Variants in ARHGAP10 observed in about 807,000 individuals in gnomAD.
ARHGAP10 encodes the protein Rho GTPase activating protein 10.
A neutral mutation model predicts 108.6 loss-of-function variants in ARHGAP10; 87 were observed. The ratio of observed to expected loss-of-function variants is 0.80; its 90% CI spans 0.67 to 0.96. The LOEUF is 0.96. ARHGAP10 is among the 40% of genes least tolerant of loss of function. ARHGAP10 has a pLI of 0.00. For synonymous variants in ARHGAP10, 347 were observed against 341.1 expected (o/e 1.02, Z -0.19); for missense variants, 939 against 954.5 (o/e 0.98, Z 0.21).
chr4:148,069,197 C>T (rs1231293815), intron 22 of ARHGAP10, among the ~76,000 whole-genome samples: 1 of 152,158 alleles, frequency 6.6e-6, no homozygotes, highest in African/African-American at 2.4e-5. Context: ...AGCCTGCCAG[C>T]CTTATCTGCA....
chr4:148,024,168 T>C (rs1204865045), intron 19 of ARHGAP10, among the ~76,000 whole-genome samples: 1 of 152,240 alleles, frequency 6.6e-6, no homozygotes, highest in African/African-American at 2.4e-5. Flanking sequence ...GAGAATAAGA[T>C]GATTCTGGTA....
chr4:147,793,905 G>T (rs1731218132), intron 1 of ARHGAP10, among the ~76,000 whole-genome samples: 2 of 152,204 alleles, frequency 1.3e-5, no homozygotes, highest in African/African-American at 4.8e-5. Context: ...TGCAAAGTAG[G>T]TTCAGCACCT....
At chr4:148,064,799 G>C (rs1029928538) in intron 22 of ARHGAP10, among the ~76,000 whole-genome samples, 11 of 152,110 alleles carry the variant, frequency 7.2e-5, no homozygotes, top group Non-Finnish European at 1.6e-4. Flanking sequence ...AGTGTCACTT[G>C]GACTTAAGAA....
intron 18 of ARHGAP10, among the ~76,000 whole-genome samples, chr4:147,971,164 A>G (rs1163818490): frequency 1.3e-5 from 2 of 151,630 alleles, no homozygotes; most frequent in African/African-American, 4.8e-5. Context: ...TTTGTTAACG[A>G]GAAAATTTTA....
chr4:147,831,027 T>G (rs576036618), intron 3 of ARHGAP10, among the ~76,000 whole-genome samples: 1 of 152,328 alleles, frequency 6.6e-6, no homozygotes, highest in Admixed American at 6.5e-5. Flanking sequence ...GTGCAAGAAA[T>G]GCACATTCTC....
chr4:147,838,482 A>AAACAC (rs1553955415), intron 3 of ARHGAP10, among the ~76,000 whole-genome samples: 1 of 149,186 alleles, frequency 6.7e-6, no homozygotes, highest in African/African-American at 2.5e-5. Flanking sequence ...TTAAAAAAAA[A>AAACAC]ACACACACAC....
chr4:147,825,835 A>G (rs974935332), intron 3 of ARHGAP10, among the ~76,000 whole-genome samples: 4 of 152,222 alleles, frequency 2.6e-5, no homozygotes, highest in African/African-American at 4.8e-5. Context: ...CATTGAGCGC[A>G]TACCTATTGA....
At chr4:147,737,383 G>A (rs908057682) in intron 1 of ARHGAP10, among the ~76,000 whole-genome samples, 2 of 137,352 alleles carry the variant, frequency 1.5e-5, no homozygotes, top group African/African-American at 5.6e-5. Flanking sequence ...TTGAACTCCT[G>A]GCCTCATGTG....
intron 18 of ARHGAP10, among the ~76,000 whole-genome samples, chr4:148,009,006 A>G (rs185889466): frequency 6.6e-6 from 1 of 152,356 alleles, no homozygotes; most frequent in East Asian, 1.9e-4. Flanking sequence ...TTAGTATTAA[A>G]TAATACATAT....
At chr4:148,037,828 C>T (rs1424011135) in intron 19 of ARHGAP10, among the ~76,000 whole-genome samples, 2 of 141,390 alleles carry the variant, frequency 1.4e-5, no homozygotes, top group East Asian at 2.0e-4. Context: ...GGTGAGACTC[C>T]GTCTCAAAAA....
chr4:148,009,616 G>A (rs980336646), intron 18 of ARHGAP10, among the ~76,000 whole-genome samples: 1 of 152,200 alleles, frequency 6.6e-6, no homozygotes, highest in South Asian at 2.1e-4. Flanking sequence ...TGTACTGAAA[G>A]AAATTAATTC....
Position 147,904,044 on chromosome 4 carries a change from T to C in ARHGAP10, c.1035-2594T>C, listed in dbSNP as rs1421408381. Among the ~76,000 whole-genome samples the C allele has an allele frequency of 3.3e-5, 5 of 152,180 alleles. No homozygotes were observed. The East Asian group carries it at 9.6e-4, about 29-fold the overall frequency. ...TACTTTTGTAAGAAACAACCAGACT[T>C]TGAAAGTGTACCATTTTGCATTGCC... On this transcript the variant is annotated intron_variant, in intron 10 of 22. Transcript: ENST00000336498.
At chr4:147,884,699 CAT>C (rs1427918776) in intron 10 of ARHGAP10, among the ~76,000 whole-genome samples, 11 of 151,740 alleles carry the variant, frequency 7.2e-5, no homozygotes, top group Admixed American at 7.2e-4. Flanking sequence ...GATTGAGAGT[CAT>C]GTGCCAGGTA....
Position 147,746,579 on chromosome 4 carries a change from G to A in ARHGAP10, c.154+14124G>A, listed in dbSNP as rs145785619. On this transcript the variant is annotated intron_variant, in intron 1 of 22. Coordinates refer to ENST00000336498, the MANE Select transcript of ARHGAP10 (RefSeq NM_024605.4). The stretch of plus-strand genomic sequence containing the variant: ...TAATTTTTGTATTTTTAGTAGAGAC[G>A]GGGTTTCACCATGTTGGCCAGGCTG... Among the ~76,000 whole-genome samples, 1,185 of 151,846 alleles carry A rather than the reference G, an allele frequency of 7.8e-3. 19 individuals carry two copies. The highest frequency in any genetic ancestry group is 0.027 in the African/African-American group (1,133 of 41,390).
chr4:147,966,366 G>A (rs2126998470), intron 17 of ARHGAP10, among the ~76,000 whole-genome samples: 1 of 152,232 alleles, frequency 6.6e-6, no homozygotes, highest in African/African-American at 2.4e-5. Context: ...TTTAGAACTT[G>A]CACATCTGCA....
At chr4:148,059,690 G>T (rs1729516623) in intron 20 of ARHGAP10, among the ~76,000 whole-genome samples, 1 of 152,100 alleles carries the variant, frequency 6.6e-6, no homozygotes, top group Non-Finnish European at 1.5e-5. Flanking sequence ...GGATGATACT[G>T]TCAAGAACTG....
intron 18 of ARHGAP10, among the ~76,000 whole-genome samples, chr4:148,001,472 G>T (rs1475952924): frequency 2.0e-5 from 3 of 152,126 alleles, no homozygotes; most frequent in Non-Finnish European, 2.9e-5. Flanking sequence ...TAGCTTGATG[G>T]GGATGGCATT....
chr4:147,875,243 C>T, intron 8 of ARHGAP10, 93 bp downstream of exon 8: 1 of 1,336,078 alleles, frequency 7.5e-7, no homozygotes, highest in Non-Finnish European at 9.9e-7. Flanking sequence ...ACATTTTGGG[C>T]AATTATTCCT....
Position 147,732,427 on chromosome 4 carries a change from CGGG to C in ARHGAP10, c.127_129del (p.Gly43del). On this transcript the variant is annotated inframe_deletion, in exon 1 of 23. Transcript: ENST00000336498. ...AGTTCATCAAAGAGCTCATTAAGGA[CGGG>C]AAGAACCTCATCGCTGCGACGAAAA... The C allele has an allele frequency of 6.2e-7, 1 of 1,612,602 alleles. No homozygotes were observed. Among genetic ancestry groups the C allele is most frequent in the South Asian group, 1.1e-5 (1 of 90,906 alleles).
Sources: allele counts gnomAD v4.1 joint callset (sites outside exome capture counted in the v4.1 genomes callset), GRCh38; gene constraint gnomAD v4.1.1; transcripts MANE v1.5; gene names NCBI Gene and HGNC (gene_info 2026-07-23, HGNC 2026-07-21).